ATP6V0D2: variants seen among roughly 807,000 people sequenced by gnomAD.
The protein encoded by ATP6V0D2 is V-type proton ATPase subunit d 2.
A neutral mutation model predicts 40.0 loss-of-function variants in ATP6V0D2; 40 were observed. The observed-to-expected ratio is 1.00, with a 90% CI of 0.78 to 1.30. The LOEUF is 1.30. Among genes scored for constraint, ATP6V0D2 ranks in the 50% most tolerant of loss-of-function variants. ATP6V0D2 has a pLI of 0.00. For synonymous variants in ATP6V0D2, 179 were observed against 156.3 expected (o/e 1.15, Z -1.08); for missense variants, 470 against 423.1 (o/e 1.11, Z -0.97).
intron 5 of ATP6V0D2, among the ~76,000 whole-genome samples, chr8:86,147,813 A>G (rs1050548498): frequency 6.6e-6 from 1 of 152,228 alleles, no homozygotes; most frequent in African/African-American, 2.4e-5. Context: ...GAGTTATGGA[A>G]CAGAGCACAT....
chr8:86,138,127 A>C (rs576188153), intron 2 of ATP6V0D2, among the ~76,000 whole-genome samples: 30 of 152,238 alleles, frequency 2.0e-4, no homozygotes, highest in African/African-American at 6.7e-4. Context: ...CGGCCCAGGC[A>C]AAGGAAACAC....
chr8:86,112,614 A>G (rs1022701704), intron 1 of ATP6V0D2, among the ~76,000 whole-genome samples: 1 of 152,148 alleles, frequency 6.6e-6, no homozygotes, highest in Non-Finnish European at 1.5e-5. Flanking sequence ...TGTTACCAGT[A>G]GGGTAACATT....
intron 2 of ATP6V0D2, among the ~76,000 whole-genome samples, chr8:86,132,642 T>C (rs1418635915): frequency 6.6e-6 from 1 of 152,192 alleles, no homozygotes; most frequent in African/African-American, 2.4e-5. Context: ...CCATCCATGT[T>C]GCTGCAAATG....
chr8:86,106,015 T>C (rs1818466734), intron 1 of ATP6V0D2, among the ~76,000 whole-genome samples: 1 of 152,140 alleles, frequency 6.6e-6, no homozygotes, highest in African/African-American at 2.4e-5. Flanking sequence ...AATCTGAAAA[T>C]ACACACTGGA....
chr8:86,127,710 C>G (rs912234205), intron 2 of ATP6V0D2, among the ~76,000 whole-genome samples: 8 of 152,180 alleles, frequency 5.3e-5, no homozygotes, highest in Non-Finnish European at 1.2e-4. Context: ...AGGAATGAGC[C>G]ACAGCTCCCA....
chr8:86,153,425 C>A lies in ATP6V0D2; in HGVS notation c.*448C>A, dbSNP rs1159474776. The A allele has an allele frequency of 1.3e-5, 2 of 153,102 alleles. No homozygotes were observed. The highest frequency in any genetic ancestry group is 2.9e-5 in the Non-Finnish European group (2 of 68,834). 9.5% of individuals were successfully genotyped at this position (153,102 alleles called of 1,614,324 possible). ...CTACAGTGCAGTGGTGTGATCACAG[C>A]TCACTGCAGCCTCGACTTCCCAGGC... On this transcript the variant is annotated 3_prime_UTR_variant, in exon 8 of 8. Transcript: ENST00000285393.
chr8:86,133,688 C>T (rs1385318022), intron 2 of ATP6V0D2, among the ~76,000 whole-genome samples: 1 of 151,892 alleles, frequency 6.6e-6, no homozygotes, highest in Non-Finnish European at 1.5e-5. Context: ...AACTGCAACC[C>T]CACCCCTGTC....
intron 2 of ATP6V0D2, among the ~76,000 whole-genome samples, chr8:86,121,181 A>G (rs1490781752): frequency 2.6e-5 from 4 of 152,206 alleles, no homozygotes; most frequent in Non-Finnish European, 4.4e-5. Context: ...ATCTCCATCC[A>G]TGATCTGTCC....
intron 2 of ATP6V0D2, among the ~76,000 whole-genome samples, chr8:86,114,393 C>T (rs1289271664): frequency 6.6e-6 from 1 of 152,114 alleles, no homozygotes. Context: ...TATTTGGGGC[C>T]GGGAGCTGCG....
chr8:86,117,819 A>T (rs192685952), intron 2 of ATP6V0D2, among the ~76,000 whole-genome samples: 31 of 152,238 alleles, frequency 2.0e-4, no homozygotes, highest in African/African-American at 7.5e-4. Flanking sequence ...GTAGATGGGA[A>T]GGTTGTTCCA....
chr8:86,152,857 C>A lies in ATP6V0D2; in HGVS notation c.933C>A (p.Tyr311Ter). 3 of 1,609,932 alleles carry A rather than the reference C, an allele frequency of 1.9e-6. 1 individual carries two copies. The highest frequency in any genetic ancestry group is 2.2e-5 in the South Asian group (2 of 89,868). The change falls in exon 8 of 8, where the codon TAC becomes TAA. Residue 311 changes from tyrosine to a stop codon, truncating the protein, a stop_gained. Transcript: ENST00000285393. LOFTEE classifies it high-confidence loss of function. Reference sequence around the variant, plus strand: ...TGGCATTCAACAGACAGTTCCACTACGGTGTGTTTTATGCATATGTAAAGC... The same window carrying A: ...TGGCATTCAACAGACAGTTCCACTAAGGTGTGTTTTATGCATATGTAAAGC... ...NVLAFNRQFH[Y>*]GVFYAYVKLK...
At position 86,142,940 on chromosome 8, in the gene ATP6V0D2, T is replaced by C. The variant is rs761793829; in HGVS notation, c.625T>C (p.Cys209Arg). The change falls in exon 5 of 8, where the codon TGT becomes CGT. Residue 209 changes from cysteine (C) to arginine (R), a missense_variant. Transcript: ENST00000285393. ...TGGTGATGTCACAGCAGAAGTTATG[T>C]GTCCCATTCTTGAGGTAAGAAAGAG... is the stretch of plus-strand genomic sequence containing the variant. The part of the protein sequence containing the change: ...NHGDVTAEVM[C>R]PILEFEADRR... 1 of 1,609,704 alleles carries C rather than the reference T, an allele frequency of 6.2e-7. No individual in the cohort carries two copies. The highest frequency in any genetic ancestry group is 1.7e-5 in the Admixed American group (1 of 59,812).
At chr8:86,121,676 T>C (rs747917941) in intron 2 of ATP6V0D2, among the ~76,000 whole-genome samples, 4 of 151,820 alleles carry the variant, frequency 2.6e-5, no homozygotes, top group Non-Finnish European at 5.9e-5. Context: ...AAAAAGAATA[T>C]ACAAATGGTG....
At chr8:86,128,343 C>A in intron 2 of ATP6V0D2, among the ~76,000 whole-genome samples, 1 of 149,940 alleles carries the variant, frequency 6.7e-6, no homozygotes, top group Non-Finnish European at 1.5e-5. Flanking sequence ...GAGTGAAACT[C>A]CATCTCAAAA....
In ATP6V0D2 at chr8:86,113,856, T is replaced by C; in HGVS notation, c.278T>C (p.Leu93Pro). The C allele has an allele frequency of 6.2e-7, 1 of 1,613,586 alleles. No individual in the cohort carries two copies. ...TTCCGGAATCATTCCCTGGAGCCCC[T>C]CAGCACATTTCTCACCTATATGACG... ...EYFRNHSLEP[L>P]STFLTYMTCS... Residue 93 changes from leucine (L) to proline (P), a missense_variant, in exon 2 of 8, where the codon CTC (leucine) becomes CCC (proline). Leu to Pro is a moderately conservative substitution (Grantham distance 98, BLOSUM62 -3). Transcript: ENST00000285393.
At chr8:86,150,414 G>A (rs1428890581) in intron 6 of ATP6V0D2, 126 bp downstream of exon 6, 1 of 1,000,790 alleles carries the variant, frequency 1.0e-6, no homozygotes, top group Non-Finnish European at 1.4e-6. Flanking sequence ...GTAGCAATCA[G>A]TGTTTCTTGC....
chr8:86,105,114 C>T (rs1314649778), intron 1 of ATP6V0D2, among the ~76,000 whole-genome samples: 1 of 79,524 alleles, frequency 1.3e-5, no homozygotes, highest in Non-Finnish European at 2.5e-5. Context: ...AATTGACAAG[C>T]TTCAACTTTA....
chr8:86,106,475 A>C (rs1360475870), intron 1 of ATP6V0D2, among the ~76,000 whole-genome samples: 1 of 152,216 alleles, frequency 6.6e-6, no homozygotes, highest in Non-Finnish European at 1.5e-5. Flanking sequence ...CCTAACTCCC[A>C]GTTCACTGGG....
At chr8:86,142,548 T>C (rs1205002921) in intron 4 of ATP6V0D2, among the ~76,000 whole-genome samples, 2 of 152,190 alleles carry the variant, frequency 1.3e-5, no homozygotes, top group African/African-American at 4.8e-5. Context: ...CTAAAATTAT[T>C]CACTGATCTC....
Sources: gnomAD v4.1 joint callset for allele counts (sites outside exome capture counted in the v4.1 genomes callset) on GRCh38, gnomAD v4.1.1 for gene constraint, MANE v1.5 for transcripts, NCBI Gene and HGNC (gene_info 2026-07-23, HGNC 2026-07-21) for gene names.